PHLDB2: variants seen among roughly 807,000 people sequenced by gnomAD.
The protein encoded by PHLDB2 is pleckstrin homology-like domain family B member 2.
In PHLDB2, 71 loss-of-function variants were observed where a neutral mutation model predicts 123.6. That is an observed-to-expected ratio of 0.57 (90% CI 0.47 to 0.70). The LOEUF is 0.70. Among genes scored for constraint, PHLDB2 ranks in the 30% least tolerant of loss-of-function variants. The pLI is 0.00. For synonymous variants in PHLDB2, 547 were observed against 541.6 expected (o/e 1.01, Z -0.14); for missense variants, 1,446 against 1,519.5 (o/e 0.95, Z 0.80).
At chr3:111,903,226 G>A (rs2067302063) in intron 2 of PHLDB2, among the ~76,000 whole-genome samples, 1 of 152,232 alleles carries the variant, frequency 6.6e-6, no homozygotes, top group Admixed American at 6.5e-5. Flanking sequence ...GGTGGAGCCA[G>A]GGCAATGTGA....
At chr3:111,802,285 G>T (rs1301040544) in intron 1 of PHLDB2, among the ~76,000 whole-genome samples, 1 of 152,228 alleles carries the variant, frequency 6.6e-6, no homozygotes, top group African/African-American at 2.4e-5. Flanking sequence ...AGTGGTGGCT[G>T]CATTCTGCCT....
chr3:111,973,684 C>T, intron 16 of PHLDB2, 48 bp from the exon 17 acceptor site: 1 of 943,566 alleles, frequency 1.1e-6, no homozygotes, highest in South Asian at 1.6e-5. Context: ...ATTATTTTTT[C>T]TGTTCCTCAG....
At chr3:111,834,267 A>G (rs2063288640) in intron 1 of PHLDB2, among the ~76,000 whole-genome samples, 2 of 113,740 alleles carry the variant, frequency 1.8e-5, no homozygotes, top group South Asian at 5.6e-4. Flanking sequence ...ATTCTATTAT[A>G]TACATAATAT....
At chr3:111,874,187 C>T (rs1214178067) in intron 1 of PHLDB2, among the ~76,000 whole-genome samples, 3 of 152,136 alleles carry the variant, frequency 2.0e-5, no homozygotes, top group South Asian at 2.1e-4. Flanking sequence ...ATTCCCTTCC[C>T]TTCAGTGGGC....
chr3:111,733,303 T>G (rs764952831), intron 1 of PHLDB2, among the ~76,000 whole-genome samples: 16 of 152,162 alleles, frequency 1.1e-4, no homozygotes, highest in Non-Finnish European at 1.8e-4. Flanking sequence ...GGTCAATCAT[T>G]TACTGAGACT....
At chr3:111,967,286 C>T (rs1451247588) in intron 14 of PHLDB2, among the ~76,000 whole-genome samples, 1 of 152,162 alleles carries the variant, frequency 6.6e-6, no homozygotes, top group African/African-American at 2.4e-5. Context: ...ATTAGAGGGA[C>T]CATGGCCTTC....
chr3:111,941,868 A>G (rs955251665), intron 8 of PHLDB2, among the ~76,000 whole-genome samples: 1 of 152,164 alleles, frequency 6.6e-6, no homozygotes, highest in Non-Finnish European at 1.5e-5. Context: ...GATCCTTCAC[A>G]TAGAATTATA....
intron 1 of PHLDB2, among the ~76,000 whole-genome samples, chr3:111,843,400 T>C (rs1163250464): frequency 6.6e-6 from 1 of 152,214 alleles, no homozygotes; most frequent in African/African-American, 2.4e-5. Context: ...AGTATTTTGA[T>C]TTTTTTATTA....
At chr3:111,881,228 C>G (rs1032163368) in intron 1 of PHLDB2, among the ~76,000 whole-genome samples, 2 of 152,126 alleles carry the variant, frequency 1.3e-5, no homozygotes, top group African/African-American at 2.4e-5. Flanking sequence ...AAATGGCAGG[C>G]AACTGTAGCT....
chr3:111,804,800 C>T (rs1052067901), intron 1 of PHLDB2, among the ~76,000 whole-genome samples: 13 of 152,264 alleles, frequency 8.5e-5, no homozygotes, highest in Non-Finnish European at 1.5e-4. Context: ...TTAATTTGCA[C>T]ACAGGGCTTC....
At chr3:111,890,481 A>G (rs1245215857) in intron 2 of PHLDB2, among the ~76,000 whole-genome samples, 1 of 152,232 alleles carries the variant, frequency 6.6e-6, no homozygotes, top group Non-Finnish European at 1.5e-5. Flanking sequence ...AGGACCTCCA[A>G]ATTGTCAAAG....
intron 1 of PHLDB2, among the ~76,000 whole-genome samples, chr3:111,830,959 A>AG (rs1559854959): frequency 0.016 from 495 of 30,464 alleles, 3 homozygotes; most frequent in Admixed American, 0.023. Flanking sequence ...AAGAAAGAGA[A>AG]AGAAAGAAAG....
chr3:111,811,093 A>C (rs1383490978), intron 1 of PHLDB2, among the ~76,000 whole-genome samples: 1 of 152,232 alleles, frequency 6.6e-6, no homozygotes. Context: ...ATGCAAGAAG[A>C]GACCAGGGGA....
At chr3:111,818,243 G>A (rs1191226594) in intron 1 of PHLDB2, among the ~76,000 whole-genome samples, 2 of 151,338 alleles carry the variant, frequency 1.3e-5, no homozygotes, top group African/African-American at 4.9e-5. Context: ...AAATGTAGTG[G>A]CCTTGGAAAT....
At chr3:111,826,640 A>T (rs1178215828) in intron 1 of PHLDB2, among the ~76,000 whole-genome samples, 1 of 152,216 alleles carries the variant, frequency 6.6e-6, no homozygotes, top group Non-Finnish European at 1.5e-5. Context: ...TAACAGTAAA[A>T]CAAAGAGGAA....
intron 1 of PHLDB2, among the ~76,000 whole-genome samples, chr3:111,788,983 G>A (rs7644385): frequency 5.9e-5 from 9 of 152,164 alleles, no homozygotes; most frequent in Non-Finnish European, 1.2e-4. Context: ...TTGCAAGATC[G>A]TGGGTAGAGA....
chr3:111,786,187 T>C (rs968853761), intron 1 of PHLDB2, among the ~76,000 whole-genome samples: 3 of 152,164 alleles, frequency 2.0e-5, no homozygotes, highest in Non-Finnish European at 2.9e-5. Context: ...TTTTAAATCA[T>C]CCCTAGATTA....
chr3:111,880,800 G>T (rs181833451), intron 1 of PHLDB2, among the ~76,000 whole-genome samples: 7 of 152,168 alleles, frequency 4.6e-5, no homozygotes, highest in Admixed American at 2.6e-4. Context: ...CCCTGTTCAG[G>T]CAGACATCCT....
At chr3:111,811,668 A>T (rs1179041503) in intron 1 of PHLDB2, among the ~76,000 whole-genome samples, 2 of 152,110 alleles carry the variant, frequency 1.3e-5, no homozygotes, top group African/African-American at 4.8e-5. Flanking sequence ...ACACACACGA[A>T]AAAATGAAAT....
Sources: gnomAD v4.1 joint callset for allele counts (sites outside exome capture counted in the v4.1 genomes callset) on GRCh38, gnomAD v4.1.1 for gene constraint, MANE v1.5 for transcripts, NCBI Gene and HGNC (gene_info 2026-07-23, HGNC 2026-07-21) for gene names.